Variants in FNDC3A observed in about 807,000 individuals in gnomAD.
The protein encoded by FNDC3A is fibronectin type-III domain-containing protein 3A.
A neutral mutation model predicts 148.9 loss-of-function variants in FNDC3A; 32 were observed. The ratio of observed to expected loss-of-function variants is 0.21; its 90% CI spans 0.16 to 0.29. The LOEUF is 0.29. Among genes scored for constraint, FNDC3A ranks in the 10% least tolerant of loss-of-function variants. The probability of loss-of-function intolerance (pLI) is 1.00; values close to 1 mark genes in which losing one functional copy is unlikely to be tolerated. For missense variants in FNDC3A, 1,191 were observed against 1,452.8 expected (o/e 0.82, Z 2.93); for synonymous variants, 472 against 473.6 (o/e 1.00, Z 0.04).
intron 3 of FNDC3A, among the ~76,000 whole-genome samples, chr13:49,079,854 A>T (rs2137791978): frequency 6.6e-6 from 1 of 152,264 alleles, no homozygotes; most frequent in South Asian, 2.1e-4. Flanking sequence ...TCTCTTTGTC[A>T]CCCAGGCTGG....
chr13:49,064,295 C>T (rs974161128), intron 2 of FNDC3A, among the ~76,000 whole-genome samples: 5 of 151,640 alleles, frequency 3.3e-5, no homozygotes, highest in Non-Finnish European at 5.9e-5. Flanking sequence ...GAGCCAAGAT[C>T]GTGCCATTGC....
At chr13:49,108,774 A>C (rs975970629) in intron 3 of FNDC3A, among the ~76,000 whole-genome samples, 2 of 152,160 alleles carry the variant, frequency 1.3e-5, no homozygotes, top group Non-Finnish European at 2.9e-5. Context: ...ATATGAGTAC[A>C]TTCTGTTGAG....
At chr13:48,984,490 T>G (rs1021200489) in intron 1 of FNDC3A, among the ~76,000 whole-genome samples, 4 of 152,136 alleles carry the variant, frequency 2.6e-5, no homozygotes, top group African/African-American at 9.7e-5. Context: ...AGGAATAGAA[T>G]AATAAATTCA....
chr13:49,132,067 T>A (rs1165647709), intron 5 of FNDC3A, among the ~76,000 whole-genome samples: 1 of 152,212 alleles, frequency 6.6e-6, no homozygotes, highest in Admixed American at 6.5e-5. Context: ...CTTAGTTTGC[T>A]CAAATGAAAG....
intron 1 of FNDC3A, among the ~76,000 whole-genome samples, chr13:48,996,694 G>T (rs1952030174): frequency 6.6e-6 from 1 of 152,156 alleles, no homozygotes; most frequent in Admixed American, 6.5e-5. Context: ...TGATAGTCTT[G>T]TGGTTTCAGA....
At chr13:49,002,423 G>A (rs916144301) in intron 1 of FNDC3A, among the ~76,000 whole-genome samples, 10 of 152,158 alleles carry the variant, frequency 6.6e-5, no homozygotes, top group Non-Finnish European at 1.5e-4. Context: ...GAATGATCAT[G>A]TGGTACCTTT....
intron 3 of FNDC3A, among the ~76,000 whole-genome samples, chr13:49,087,490 G>GA (rs1196458769): frequency 6.6e-6 from 1 of 151,946 alleles, no homozygotes; most frequent in Non-Finnish European, 1.5e-5. Context: ...TCCCTTTTAG[G>GA]AAAAAAGCCA....
intron 2 of FNDC3A, among the ~76,000 whole-genome samples, chr13:49,014,590 C>G (rs1404749196): frequency 9.2e-5 from 14 of 151,526 alleles, no homozygotes; most frequent in South Asian, 2.1e-4. Context: ...TGTGCAGAAG[C>G]TCTTTAGTTT....
intron 1 of FNDC3A, among the ~76,000 whole-genome samples, chr13:48,991,384 A>G (rs1335915930): frequency 6.6e-6 from 1 of 152,202 alleles, no homozygotes; most frequent in Non-Finnish European, 1.5e-5. Flanking sequence ...AATTATAAAT[A>G]TGCATCTAGT....
chr13:49,201,999 TAATA>T, intron 24 of FNDC3A, 33 bp downstream of exon 24: 1 of 1,322,034 alleles, frequency 7.6e-7, no homozygotes, highest in Non-Finnish European at 1.0e-6. Flanking sequence ...ATTTTCTTTA[TAATA>T]AATTACTTTT....
At chr13:49,041,684 A>G (rs1874939448) in intron 2 of FNDC3A, among the ~76,000 whole-genome samples, 1 of 151,838 alleles carries the variant, frequency 6.6e-6, no homozygotes, top group Non-Finnish European at 1.5e-5. Context: ...GGTGGTGGGC[A>G]CCTGTAATCC....
At chr13:49,144,720 A>G (rs938902499) in intron 7 of FNDC3A, among the ~76,000 whole-genome samples, 3 of 152,138 alleles carry the variant, frequency 2.0e-5, no homozygotes, top group African/African-American at 7.2e-5. Context: ...TTCTGTCACA[A>G]CTTTCTCTGC....
intron 3 of FNDC3A, among the ~76,000 whole-genome samples, chr13:49,102,566 C>A (rs1409400559): frequency 2.0e-5 from 3 of 152,202 alleles, no homozygotes; most frequent in African/African-American, 4.8e-5. Flanking sequence ...CTCCCATTTG[C>A]CACAGAGTTC....
At chr13:49,167,372 T>C (rs1884528340) in intron 9 of FNDC3A, 69 bp downstream of exon 9, 3 of 837,024 alleles carry the variant, frequency 3.6e-6, no homozygotes, top group Non-Finnish European at 5.5e-6. Flanking sequence ...ATAATTATTT[T>C]CTTAAAAATC....
intron 1 of FNDC3A, among the ~76,000 whole-genome samples, chr13:48,977,802 T>A (rs1951629822): frequency 6.6e-6 from 1 of 152,202 alleles, no homozygotes; most frequent in African/African-American, 2.4e-5. Flanking sequence ...TATATTTAAA[T>A]TTTTTAGCAC....
At chr13:49,135,443 G>A (rs920705827) in intron 5 of FNDC3A, among the ~76,000 whole-genome samples, 29 of 152,156 alleles carry the variant, frequency 1.9e-4, no homozygotes, top group Non-Finnish European at 3.8e-4. Context: ...TCATAGAGAC[G>A]TGTTTTCTTC....
chr13:49,146,091 T>C (rs1489394243), intron 8 of FNDC3A, 156 bp downstream of exon 8: 2 of 576,386 alleles, frequency 3.5e-6, no homozygotes, highest in Admixed American at 7.3e-5. Context: ...ATGGTCCAAA[T>C]GTAGCTTGGT....
At chr13:49,097,930 T>C (rs899496249) in intron 3 of FNDC3A, among the ~76,000 whole-genome samples, 2 of 152,052 alleles carry the variant, frequency 1.3e-5, no homozygotes, top group African/African-American at 2.4e-5. Context: ...GCTCCAAATC[T>C]GAATCAAAGT....
chr13:49,131,591 T>C (rs187422566), intron 5 of FNDC3A, among the ~76,000 whole-genome samples: 2 of 152,334 alleles, frequency 1.3e-5, no homozygotes, highest in South Asian at 2.1e-4. Flanking sequence ...AAGTAACTTA[T>C]ATCATGCAGC....
Sources: allele counts gnomAD v4.1 joint callset (sites outside exome capture counted in the v4.1 genomes callset), GRCh38; gene constraint gnomAD v4.1.1; transcripts MANE v1.5; gene names NCBI Gene and HGNC (gene_info 2026-07-23, HGNC 2026-07-21).